Variants in NBPF15 observed in about 807,000 individuals in gnomAD.
NBPF15 encodes the protein NBPF member 15.
In NBPF15, 74 loss-of-function variants were observed where a neutral mutation model predicts 62.2. That is an observed-to-expected ratio of 1.19 (90% CI 0.99 to 1.44). The LOEUF is 1.44. NBPF15 is among the 40% of genes most tolerant of loss of function. NBPF15 has a pLI of 0.00. For missense variants in NBPF15, 790 were observed against 550.0 expected (o/e 1.44, Z -4.36); for synonymous variants, 244 against 209.7 (o/e 1.16, Z -1.41).
rs1338938451 is a variant in NBPF15, at chr1:144,427,838, C to T, written c.1193G>A (p.Gly398Asp). 1 of 737,820 alleles carries T rather than the reference C, an allele frequency of 1.4e-6. No individual in the cohort carries two copies. The highest frequency in any genetic ancestry group is 2.5e-6 in the Non-Finnish European group (1 of 404,416). The allele number at this position is 737,820 out of a possible 1,614,324, so 45.7% of individuals were successfully genotyped here. Residue 398 changes from glycine (G) to aspartate (D), a missense_variant, in exon 16 of 22, where the codon GGC becomes GAC. Coordinates refer to ENST00000581897, the MANE Select transcript of NBPF15 (RefSeq NM_001385408.1). ...AFYVLEQQRVGLAIDMDEIEK... is the reference protein window; with the variant it reads ...AFYVLEQQRVDLAIDMDEIEK... ...CTCACCATCCATGTCAATAGCCAAG[C>T]CAACACGCTGTTGCTCCAATACGTA...
At chr1:144,443,805 T>C (rs1685258411) in intron 6 of NBPF15, among the ~76,000 whole-genome samples, 1 of 150,674 alleles carries the variant, frequency 6.6e-6, no homozygotes, top group African/African-American at 2.4e-5. Flanking sequence ...AAATGTGTAA[T>C]TCAATGCACG....
chr1:144,435,191 A>T lies in NBPF15; in HGVS notation c.692T>A (p.Phe231Tyr). 6.2e-7 allele frequency: 1 copy of T among 1,613,078 alleles called. No individual in the cohort carries two copies. Among genetic ancestry groups the T allele is most frequent in the Non-Finnish European group, 8.5e-7 (1 of 1,179,730 alleles). The change falls in exon 12 of 22, where the codon TTT becomes TAT. Residue 231 changes from phenylalanine (F) to tyrosine (Y), a missense_variant. By Grantham distance (22) the Phe-to-Tyr change is conservative. Transcript: ENST00000581897. ...AGTTGAGTCGACTTTGTCTTCCTCA[A>T]ATGTGATTTTGGTTTTCTTATGTGG... Reference protein sequence around the residue: ...NQPHKKTKITFEEDKVDSTLI... With the variant: ...NQPHKKTKITYEEDKVDSTLI...
intron 6 of NBPF15, among the ~76,000 whole-genome samples, chr1:144,446,782 T>C (rs2983251): frequency 0.2 from 27,106 of 134,368 alleles, 1 homozygote; most frequent in Non-Finnish European, 0.3. Context: ...GGCTCACGCC[T>C]GTAATCCCAG....
chr1:144,435,241 G>C lies in NBPF15; in HGVS notation c.642C>G (p.Ser214Arg), dbSNP rs1457507955. 620 of 1,612,820 alleles carry C rather than the reference G, an allele frequency of 3.8e-4. 2 individuals carry two copies. The highest frequency in any genetic ancestry group is 3.4e-4 in the Non-Finnish European group (401 of 1,179,624). Residue 214 changes from serine to arginine, a missense_variant, in exon 12 of 22, where the codon AGC (serine) becomes AGG (arginine). Ser to Arg is a moderately radical substitution (Grantham distance 110). Coordinates refer to ENST00000581897, the MANE Select transcript of NBPF15 (RefSeq NM_001385408.1). ...GCTGGTTGGAGTCATAAGGGCCATG[G>C]CTATTTGAACAAGTGATGGCACATT... The part of the protein sequence containing the change: ...LEECAITCSN[S>R]HGPYDSNQPH...
chr1:144,436,080 G>A (rs1437383028), intron 10 of NBPF15, among the ~76,000 whole-genome samples: 2 of 151,758 alleles, frequency 1.3e-5, no homozygotes, highest in African/African-American at 4.8e-5. Context: ...ATATTGAAAA[G>A]ACCTTTTGCT....
At chr1:144,435,460 C>T (rs1464649495) in intron 11 of NBPF15, 144 bp from the exon 12 acceptor site, 18 of 1,320,608 alleles carry the variant, frequency 1.4e-5, no homozygotes, top group Non-Finnish European at 1.9e-5. Context: ...AGGGAACATG[C>T]AATCCTGTTC....
rs1194020009 is a variant in NBPF15, at chr1:144,422,934, A to G, written c.*79T>C. 2.5e-6 allele frequency: 4 copies of G among 1,611,162 alleles called. No homozygotes were observed. The highest frequency in any genetic ancestry group is 3.4e-6 in the Non-Finnish European group (4 of 1,179,464). Reference sequence around the variant, plus strand: ...TCCTATGTCTGGGCTTCCAAATGGAACTGTACTTTCATTCAAATCTTCTCG... The same window carrying G: ...TCCTATGTCTGGGCTTCCAAATGGAGCTGTACTTTCATTCAAATCTTCTCG... On this transcript the variant is annotated 3_prime_UTR_variant, in exon 22 of 22. Transcript: ENST00000581897.
At chr1:144,454,897 G>A (rs1262764620) in intron 4 of NBPF15, among the ~76,000 whole-genome samples, 1 of 149,830 alleles carries the variant, frequency 6.7e-6, no homozygotes, top group Non-Finnish European at 1.5e-5. Flanking sequence ...GAGGACCTAA[G>A]GGCTACAGGA....
At chr1:144,457,808 G>A (rs1649223270) in intron 3 of NBPF15, among the ~76,000 whole-genome samples, 1 of 152,012 alleles carries the variant, frequency 6.6e-6, no homozygotes, top group Non-Finnish European at 1.5e-5. Context: ...AAACTAAAAT[G>A]GCCAGCGGTG....
intron 4 of NBPF15, among the ~76,000 whole-genome samples, chr1:144,455,733 A>G (rs1288087193): frequency 1.3e-5 from 2 of 151,896 alleles, no homozygotes; most frequent in African/African-American, 4.8e-5. Context: ...CGGCCACGTG[A>G]GAAGGATACA....
At chr1:144,423,513 A>G (rs587689419) in intron 21 of NBPF15, among the ~76,000 whole-genome samples, 3 of 152,114 alleles carry the variant, frequency 2.0e-5, no homozygotes, top group Non-Finnish European at 2.9e-5. Flanking sequence ...TGCCCAGGTG[A>G]CATACTGGTA....
At position 144,423,737 on chromosome 1, in the gene NBPF15, A is replaced by G. The variant is rs1322532729; in HGVS notation, c.1769+133T>C. ...AAACCTAAACATCTACTGCAATGAAAACCAACAGCAATGACAGTAGGAGTA... is the reference window on the plus strand; with the variant it reads ...AAACCTAAACATCTACTGCAATGAAGACCAACAGCAATGACAGTAGGAGTA... On this transcript the variant is annotated intron_variant, in intron 21 of 21. Coordinates refer to ENST00000581897, the MANE Select transcript of NBPF15 (RefSeq NM_001385408.1). 121 of 689,214 alleles carry G rather than the reference A, an allele frequency of 1.8e-4. 1 individual carries two copies. Among genetic ancestry groups the G allele is most frequent in the Admixed American group, 5.4e-4 (25 of 46,238 alleles). 42.7% of individuals were successfully genotyped at this position (689,214 alleles called of 1,614,324 possible). A position where few individuals can be genotyped will look rare whatever the true frequency, so the allele number is the denominator to read the frequency against.
intron 6 of NBPF15, among the ~76,000 whole-genome samples, chr1:144,440,893 T>C (rs1682442672): frequency 1.3e-5 from 2 of 151,610 alleles, no homozygotes; most frequent in East Asian, 3.9e-4. Flanking sequence ...ATGGTCTCGA[T>C]CTCCTGACCT....
At position 144,438,007 on chromosome 1, in the gene NBPF15, C is replaced by A; in HGVS notation, c.216G>T (p.Arg72Ser). 1.9e-6 allele frequency: 3 copies of A among 1,611,688 alleles called. No homozygotes were observed. Among genetic ancestry groups the A allele is most frequent in the South Asian group, 2.2e-5 (2 of 90,972 alleles). Residue 72 changes from arginine (R) to serine (S), a missense_variant, in exon 9 of 22, where the codon AGG becomes AGT. Physicochemically the swap from Arg to Ser is moderately radical, Grantham distance 110 (BLOSUM62 -1). Coordinates refer to ENST00000581897, the MANE Select transcript of NBPF15 (RefSeq NM_001385408.1). Reference sequence around the variant, plus strand: ...TCTCCTCCTTGAACTGTCGCTCATTCCTCAGCATAAATTTTATGAGATCTT... The same window carrying A: ...TCTCCTCCTTGAACTGTCGCTCATTACTCAGCATAAATTTTATGAGATCTT... ...ECKDLIKFML[R>S]NERQFKEEKL...
At chr1:144,423,355 G>T (rs1553538641) in intron 21 of NBPF15, 99 bp from the exon 22 acceptor site, 5 of 1,596,460 alleles carry the variant, frequency 3.1e-6, no homozygotes, top group African/African-American at 1.4e-5. Flanking sequence ...GGTTAGAAAA[G>T]AAAAAGGATA....
At chr1:144,427,562 C>T (rs1670652215) in intron 16 of NBPF15, among the ~76,000 whole-genome samples, 2 of 147,318 alleles carry the variant, frequency 1.4e-5, no homozygotes, top group African/African-American at 5.2e-5. Flanking sequence ...GTCACATCTG[C>T]CCAGGTCCAA....
At chr1:144,457,744 A>G (rs1184995208) in intron 3 of NBPF15, among the ~76,000 whole-genome samples, 7 of 152,228 alleles carry the variant, frequency 4.6e-5, no homozygotes, top group Admixed American at 6.5e-5. Flanking sequence ...CATAAATAAT[A>G]GCTGTAAGAG....
At position 144,461,496 on chromosome 1, in the gene NBPF15, C is replaced by A. The variant is rs1653065227; in HGVS notation, c.-1053G>T. ...GCGCCACGCCTCGGCCCGCTCCTGG[C>A]GCCACAGGTCGCCCGTCCCGCGTTC... On this transcript the variant is annotated 5_prime_UTR_variant, in exon 1 of 22. Transcript: ENST00000581897. 1.3e-5 allele frequency: 2 copies of A among 152,760 alleles called. No homozygotes were observed. The highest frequency in any genetic ancestry group is 2.1e-4 in the South Asian group (1 of 4,834). 9.5% of individuals were successfully genotyped at this position (152,760 alleles called of 1,614,324 possible).
chr1:144,440,411 A>G (rs1681886135), intron 6 of NBPF15, 116 bp from the exon 7 acceptor site: 3 of 597,664 alleles, frequency 5.0e-6, no homozygotes, highest in African/African-American at 1.9e-5. Flanking sequence ...CCTGAGGGTC[A>G]CCACCAATGG....
Sources: gnomAD v4.1 joint callset for allele counts (sites outside exome capture counted in the v4.1 genomes callset) on GRCh38, gnomAD v4.1.1 for gene constraint, MANE v1.5 for transcripts, NCBI Gene and HGNC (gene_info 2026-07-23, HGNC 2026-07-21) for gene names.